Variants in ERAP2 observed in about 807,000 individuals in gnomAD.
ERAP2 encodes the protein leukocyte-derived arginine aminopeptidase.
A neutral mutation model predicts 111.1 loss-of-function variants in ERAP2; 118 were observed. That is an observed-to-expected ratio of 1.06 (90% CI 0.92 to 1.24). The LOEUF is 1.24. Ranked by LOEUF, ERAP2 falls within the 50% of genes most tolerant of loss-of-function variation. The pLI, the probability that ERAP2 is intolerant of heterozygous loss-of-function variation, is 0.00. For synonymous variants in ERAP2, 410 were observed against 401.2 expected, an observed-to-expected ratio of 1.02 and a Z score of -0.26; for missense variants, 1,131 against 1,125.8, an observed-to-expected ratio of 1.00 and a Z score of -0.07.
At chr5:96,878,796 C>T (rs1489436922) in intron 1 of ERAP2, among the ~76,000 whole-genome samples, 1 of 152,024 alleles carries the variant, frequency 6.6e-6, no homozygotes, top group African/African-American at 2.4e-5. Context: ...GGTGTGGTGG[C>T]ACATACCTGT....
At chr5:96,886,482 A>C (rs1783726365) in intron 3 of ERAP2, among the ~76,000 whole-genome samples, 173 bp from the exon 4 acceptor site, 1 of 151,700 alleles carries the variant, frequency 6.6e-6, no homozygotes. Context: ...GGGTAAAAGC[A>C]ATGGAGGTAA....
chr5:96,913,250 T>G, intron 16 of ERAP2, 67 bp from the exon 17 acceptor site: 1 of 1,246,622 alleles, frequency 8.0e-7, no homozygotes, highest in Non-Finnish European at 1.1e-6. Context: ...AATATATTGG[T>G]GGCTTGAGTT....
Position 96,902,219 on chromosome 5 carries a change from G to A in ERAP2, c.1749-55G>A. On this transcript the variant is annotated intron_variant, in intron 11 of 18. Coordinates refer to ENST00000437043, the MANE Select transcript of ERAP2 (RefSeq NM_022350.5). Reference sequence around the variant, plus strand: ...ACAGTCTGTCTGAGTCTGACAATGTGAAAAATCACAGCAGCATTCTTTTGG... The same window carrying A: ...ACAGTCTGTCTGAGTCTGACAATGTAAAAAATCACAGCAGCATTCTTTTGG... 7.2e-6 allele frequency: 9 copies of A among 1,256,750 alleles called. No individual in the cohort carries two copies. The South Asian group carries it at 1.1e-4, about 15-fold the overall frequency. 77.8% of individuals were successfully genotyped at this position (1,256,750 alleles called of 1,614,324 possible).
intron 10 of ERAP2, 46 bp from the exon 11 acceptor site, chr5:96,901,460 G>C: frequency 6.3e-7 from 1 of 1,589,772 alleles, no homozygotes; most frequent in Non-Finnish European, 8.6e-7. Flanking sequence ...TCTGTCTTTG[G>C]ATTGTCTCCT....
chr5:96,880,245 T>C lies in ERAP2; in HGVS notation c.560T>C (p.Leu187Pro), dbSNP rs1239861245. The C allele has an allele frequency of 6.2e-7, 1 of 1,609,674 alleles. No homozygotes were observed. The highest frequency in any genetic ancestry group is 8.5e-7 in the Non-Finnish European group (1 of 1,177,664). Residue 187 changes from leucine (L) to proline (P), a missense_variant, in exon 2 of 19, where the codon CTT becomes CCT. Leu to Pro is a moderately conservative substitution (Grantham distance 98). Transcript: ENST00000437043. ...EGFYKSTYRT[L>P]GGETRILAVT... Reference sequence around the variant, plus strand: ...TTTTATAAAAGCACATACAGAACTCTTGGTGGTGAAACAAGGTAAGAACTT... The same window carrying C: ...TTTTATAAAAGCACATACAGAACTCCTGGTGGTGAAACAAGGTAAGAACTT...
chr5:96,886,686 T>G lies in ERAP2; in HGVS notation c.746T>G (p.Leu249Trp). 1 of 1,552,682 alleles carries G rather than the reference T, an allele frequency of 6.4e-7. No individual in the cohort carries two copies. Among genetic ancestry groups the G allele is most frequent in the Non-Finnish European group, 8.8e-7 (1 of 1,136,918 alleles). ...VKTIELEGGL[L>W]EDHFETTVKM... ...ACAATTGAACTTGAAGGAGGTCTTT[T>G]GGAAGATCACTTTGAAACTACTGTA... The change falls in exon 4 of 19, where the codon TTG becomes TGG. Residue 249 changes from leucine (L) to tryptophan (W), a missense_variant. Around this residue, in one of 3 missense-constraint regions of ERAP2, gnomAD observed 847 missense variants for 856.5 expected, o/e 0.99. Transcript: ENST00000437043.
chr5:96,880,321 CTT>C (rs1783001368), intron 2 of ERAP2, 61 bp downstream of exon 2: 1 of 1,432,032 alleles, frequency 7.0e-7, no homozygotes, highest in South Asian at 1.3e-5. Context: ...AGTTACATCT[CTT>C]TGCCAGGAGC....
chr5:96,887,100 TACACACACAC>T (rs137875303), intron 4 of ERAP2, among the ~76,000 whole-genome samples: 3 of 137,452 alleles, frequency 2.2e-5, no homozygotes, highest in East Asian at 2.0e-4. Context: ...TATATATATA[TACACACACAC>T]ACACACACAC....
At chr5:96,916,913 C>T (rs1489470310) in intron 18 of ERAP2, among the ~76,000 whole-genome samples, 2 of 152,054 alleles carry the variant, frequency 1.3e-5, no homozygotes, top group African/African-American at 4.8e-5. Flanking sequence ...CATTTAACTT[C>T]TTTAGCCACA....
intron 2 of ERAP2, among the ~76,000 whole-genome samples, chr5:96,882,351 T>C (rs1783229727): frequency 6.6e-6 from 1 of 152,228 alleles, no homozygotes; most frequent in South Asian, 2.1e-4. Flanking sequence ...TGTAGGACTT[T>C]CCAGCATGCC....
chr5:96,903,847 G>T (rs1447793536), intron 13 of ERAP2, among the ~76,000 whole-genome samples: 1 of 152,104 alleles, frequency 6.6e-6, no homozygotes, highest in African/African-American at 2.4e-5. Context: ...TTTATCCTGT[G>T]GGCCACAGGA....
chr5:96,883,464 A>G (rs185557628), intron 2 of ERAP2, among the ~76,000 whole-genome samples: 11 of 152,348 alleles, frequency 7.2e-5, no homozygotes, highest in Admixed American at 6.5e-4. Context: ...CATGTAGACA[A>G]CATGTGTACT....
Position 96,896,718 on chromosome 5 carries a change from GT to G in ERAP2, c.1372-5del, listed in dbSNP as rs745917887. On this transcript the variant is annotated splice_polypyrimidine_tract_variant and intron_variant, in intron 8 of 18. Coordinates refer to ENST00000437043, the MANE Select transcript of ERAP2 (RefSeq NM_022350.5). ...CTTTATCTCTTTTTTCAACTCTTTT[GT>G]TTTTTTTTAAAGGGAGCTTGTATTT... The G allele has an allele frequency of 4.8e-5, 70 of 1,456,548 alleles. No individual in the cohort carries two copies. The highest frequency in any genetic ancestry group is 4.1e-4 in the Middle Eastern group (2 of 4,870). The allele number at this position is 1,456,548 out of a possible 1,614,324, so 90.2% of individuals were successfully genotyped here. A position where few individuals can be genotyped will look rare whatever the true frequency, so the allele number is the denominator to read the frequency against.
intron 2 of ERAP2, chr5:96,881,207 T>A: frequency 2.9e-6 from 1 of 347,740 alleles, no homozygotes; most frequent in South Asian, 2.1e-5. Context: ...TTATGCTTTA[T>A]AAAGATCAAG....
Position 96,915,749 on chromosome 5 carries a change from TC to T in ERAP2, c.2721del (p.Lys908ArgfsTer7). On this transcript the variant is annotated frameshift_variant, in exon 18 of 19. Transcript: ENST00000437043. LOFTEE classifies it high-confidence loss of function. ...CTCTGGCACAACAGCTCACTTTTCTTCCAAGGATAAGTTGCAAGAGGTTTGT... is the reference window on the plus strand; with the variant it reads ...CTCTGGCACAACAGCTCACTTTTCTTCAAGGATAAGTTGCAAGAGGTTTGT... ...IISGTTAHFS[S>X]KDKLQEVKLF... 1 of 1,601,548 alleles carries T rather than the reference TC, an allele frequency of 6.2e-7. No homozygotes were observed. Among genetic ancestry groups the T allele is most frequent in the Non-Finnish European group, 8.5e-7 (1 of 1,174,242 alleles).
chr5:96,901,550 T>C lies in ERAP2; in HGVS notation c.1617T>C (p.Thr539=). ...GENAEVKEMM[T]TWTLQKGIPL... is the part of the protein sequence containing the mutation. ...ATGCAGAGGTCAAAGAGATGATGAC[T>C]ACATGGACTCTCCAGAAAGGAATCC... The change falls in exon 11 of 19, where the codon ACT becomes ACC. Residue 539 remains threonine, a synonymous_variant. Transcript: ENST00000437043. 3.1e-6 allele frequency: 5 copies of C among 1,614,132 alleles called. No individual in the cohort carries two copies. The highest frequency in any genetic ancestry group is 3.4e-6 in the Non-Finnish European group (4 of 1,179,974).
Position 96,903,514 on chromosome 5 carries a change from C to T in ERAP2, c.1966C>T (p.Pro656Ser). The T allele has an allele frequency of 1.3e-5, 21 of 1,613,716 alleles. No homozygotes were observed. Among genetic ancestry groups the T allele is most frequent in the Non-Finnish European group, 1.8e-5 (21 of 1,179,850 alleles). ...GAATCAGAACCACACACTTCTCAGA[C>T]CTAAGGACAGAGTAGGTCTGATTCA... ...QLNQNHTLLR[P>S]KDRVGLIHDV... is the part of the protein sequence containing the mutation. The change falls in exon 13 of 19, where the codon CCT becomes TCT. Residue 656 changes from proline (P) to serine (S), a missense_variant. Physicochemically the swap from Pro to Ser is moderately conservative, Grantham distance 74. Coordinates refer to ENST00000437043, the MANE Select transcript of ERAP2 (RefSeq NM_022350.5).
At chr5:96,898,197 A>G (rs1785059326) in intron 9 of ERAP2, among the ~76,000 whole-genome samples, 1 of 151,826 alleles carries the variant, frequency 6.6e-6, no homozygotes, top group African/African-American at 2.4e-5. Context: ...CTCTGTCTCA[A>G]TAATAATAAT....
chr5:96,884,970 C>A (rs1336789012), intron 3 of ERAP2, among the ~76,000 whole-genome samples: 1 of 152,046 alleles, frequency 6.6e-6, no homozygotes, highest in Non-Finnish European at 1.5e-5. Context: ...CTTGAGATTA[C>A]ATCACCATCC....
Sources: allele counts gnomAD v4.1 joint callset (sites outside exome capture counted in the v4.1 genomes callset), GRCh38; gene constraint gnomAD v4.1.1; regional missense constraint gnomAD v4.1.1; transcripts MANE v1.5; gene names NCBI Gene and HGNC (gene_info 2026-07-23, HGNC 2026-07-21).